ANO3: variants seen among roughly 807,000 people sequenced by gnomAD.
The protein encoded by ANO3 is anoctamin-3.
ANO3 carries 99 observed loss-of-function variants against 144.8 expected under a neutral mutation model. The ratio of observed to expected loss-of-function variants is 0.68; its 90% CI spans 0.58 to 0.81. The LOEUF is 0.81. ANO3 is among the 30% of genes least tolerant of loss of function. ANO3 has a pLI of 0.00. For synonymous variants in ANO3, 414 were observed against 392.6 expected, an observed-to-expected ratio of 1.05 and a Z score of -0.64; for missense variants, 905 against 1,202.2, an observed-to-expected ratio of 0.75 and a Z score of 3.66.
intron 1 of ANO3, among the ~76,000 whole-genome samples, chr11:26,283,620 G>A (rs1430648570): frequency 6.6e-6 from 1 of 151,992 alleles, no homozygotes; most frequent in Non-Finnish European, 1.5e-5. Context: ...TTCTCACTTA[G>A]TAAGTACCTA....
rs1039309331 is a variant in ANO3, at chr11:26,265,177, T to A, written c.155-44468T>A. On this transcript the variant is annotated intron_variant, in intron 1 of 27. Coordinates refer to the ANO3 transcript ENST00000672621. ...TTTTTCATGGCTAATCCCTAGAGAT[T>A]CTTCAAGAACTAACTTTAGCATCAT... Among the ~76,000 whole-genome samples the A allele has an allele frequency of 2.6e-5, 4 of 152,334 alleles. No individual in the cohort carries two copies. The South Asian group carries it at 8.3e-4, about 32-fold the overall frequency.
At chr11:26,546,851 G>C (rs12275793) in intron 11 of ANO3, among the ~76,000 whole-genome samples, 7,984 of 152,004 alleles carry the variant, frequency 0.053, 267 homozygotes, top group Admixed American at 0.095. Flanking sequence ...AGAATGACTG[G>C]TAATTACCAT....
chr11:26,562,619 G>C (rs573612076), intron 14 of ANO3, among the ~76,000 whole-genome samples: 36 of 151,956 alleles, frequency 2.4e-4, no homozygotes, highest in South Asian at 1.2e-3. Flanking sequence ...GTGACTGTGT[G>C]TGCAAATATG....
intron 1 of ANO3, among the ~76,000 whole-genome samples, chr11:26,430,274 G>C (rs986909519): frequency 6.7e-6 from 1 of 149,552 alleles, no homozygotes; most frequent in African/African-American, 2.5e-5. Flanking sequence ...AAGTCTTAAA[G>C]GTTTAATGGA....
chr11:26,292,096 C>A (rs1176199705), intron 1 of ANO3, among the ~76,000 whole-genome samples: 2 of 152,108 alleles, frequency 1.3e-5, no homozygotes, highest in Non-Finnish European at 2.9e-5. Flanking sequence ...TTCTTGGAGG[C>A]TTTGTTCATT....
intron 5 of ANO3, among the ~76,000 whole-genome samples, chr11:26,511,566 A>T (rs1861666604): frequency 6.6e-6 from 1 of 152,210 alleles, no homozygotes; most frequent in African/African-American, 2.4e-5. Context: ...CTTTAATAGG[A>T]TAACCTTTAT....
chr11:26,306,005 C>G (rs1206686435), upstream of ANO3, among the ~76,000 whole-genome samples: 1 of 152,130 alleles, frequency 6.6e-6, no homozygotes. Flanking sequence ...GTCGCCCAGG[C>G]TGGAGTGCAG....
At chr11:26,614,323 G>C (rs1852187410) in intron 17 of ANO3, among the ~76,000 whole-genome samples, 1 of 152,168 alleles carries the variant, frequency 6.6e-6, no homozygotes, top group African/African-American at 2.4e-5. Context: ...CTGTTTATTG[G>C]AAGGTTGTGA....
intron 8 of ANO3, among the ~76,000 whole-genome samples, chr11:26,533,458 T>TA (rs1849424437): frequency 2.0e-5 from 3 of 152,132 alleles, no homozygotes; most frequent in African/African-American, 7.2e-5. Flanking sequence ...GCAGAGCTGT[T>TA]AGACATATAA....
upstream of ANO3, among the ~76,000 whole-genome samples, chr11:26,304,948 C>T (rs761804208): frequency 1.2e-3 from 178 of 151,876 alleles, 4 homozygotes; most frequent in Middle Eastern, 6.8e-3. Flanking sequence ...TGTGAAAGGT[C>T]AGGTTGAAGA....
chr11:26,485,937 A>G (rs1008602673), intron 4 of ANO3, among the ~76,000 whole-genome samples: 1 of 152,244 alleles, frequency 6.6e-6, no homozygotes, highest in Admixed American at 6.5e-5. Context: ...ATATTTGTAA[A>G]CTATGCATCC....
intron 24 of ANO3, among the ~76,000 whole-genome samples, chr11:26,652,686 C>T (rs1853570395): frequency 6.6e-6 from 1 of 152,190 alleles, no homozygotes; most frequent in African/African-American, 2.4e-5. Context: ...CTTCCAGTTA[C>T]ATCTTTATGT....
At chr11:26,387,545 T>C (rs1186467637) in intron 1 of ANO3, among the ~76,000 whole-genome samples, 1 of 152,172 alleles carries the variant, frequency 6.6e-6, no homozygotes, top group East Asian at 1.9e-4. Flanking sequence ...TTGTTGCCTG[T>C]TCATCTTTCT....
rs142322978 is a variant in ANO3, at chr11:26,240,890, T to C, written c.154+51560T>C. 3.5e-4 allele frequency among the ~76,000 whole-genome samples: 53 copies of C among 152,336 alleles called. 1 individual carries two copies. The East Asian group carries it at 0.01, about 29-fold the overall frequency. ...TATAATATGTATAAATAAAATTCAT[T>C]GCTTATGACAGCCTGTGTTAACATT... On this transcript the variant is annotated intron_variant, in intron 1 of 27. Transcript: ENST00000672621.
intron 14 of ANO3, among the ~76,000 whole-genome samples, chr11:26,563,664 A>G (rs1423976951): frequency 6.6e-6 from 1 of 151,894 alleles, no homozygotes; most frequent in Non-Finnish European, 1.5e-5. Flanking sequence ...TCTGTAAATA[A>G]TTCAAAGGTT....
intron 12 of ANO3, among the ~76,000 whole-genome samples, chr11:26,552,950 C>A (rs868649435): frequency 4.9e-5 from 5 of 101,104 alleles, no homozygotes; most frequent in African/African-American, 7.2e-5. Context: ...ATCCTGAGTG[C>A]CATGAAATCA....
chr11:26,620,828 A>G (rs988985787), intron 17 of ANO3, among the ~76,000 whole-genome samples: 1 of 152,222 alleles, frequency 6.6e-6, no homozygotes, highest in Non-Finnish European at 1.5e-5. Flanking sequence ...ATAAGCTATT[A>G]TGGAATAGGG....
At chr11:26,583,626 C>T (rs1036643544) in intron 14 of ANO3, among the ~76,000 whole-genome samples, 4 of 152,186 alleles carry the variant, frequency 2.6e-5, no homozygotes, top group African/African-American at 7.2e-5. Flanking sequence ...GAGGAATTTT[C>T]CCCAGGCATG....
intron 22 of ANO3, among the ~76,000 whole-genome samples, chr11:26,642,868 C>A (rs1229478428): frequency 2.6e-5 from 4 of 151,964 alleles, no homozygotes; most frequent in African/African-American, 9.7e-5. Flanking sequence ...TCCTCCTCCT[C>A]TGTTTTGTCT....
Sources: allele counts gnomAD v4.1 joint callset (sites outside exome capture counted in the v4.1 genomes callset), GRCh38; gene constraint gnomAD v4.1.1; transcripts MANE v1.5; gene names NCBI Gene and HGNC (gene_info 2026-07-23, HGNC 2026-07-21).